The following KHDRBS2 variants were observed in gnomAD, a reference collection of about 807,000 sequenced individuals.
KHDRBS2 encodes the protein KH RNA binding domain containing, signal transduction associated 2.
Under a neutral mutation model 44.3 loss-of-function variants are expected in KHDRBS2, and 26 were observed. The observed-to-expected ratio is 0.59, with a 90% CI of 0.43 to 0.81. The LOEUF is 0.81. KHDRBS2 is among the 40% of genes least tolerant of loss of function. The pLI is 0.00. For synonymous variants in KHDRBS2, 194 were observed against 151.1 expected, an observed-to-expected ratio of 1.28 and a Z score of -2.08; for missense variants, 476 against 433.1, an observed-to-expected ratio of 1.10 and a Z score of -0.88.
At chr6:61,786,148 A>G (rs1161978835) in intron 6 of KHDRBS2, among the ~76,000 whole-genome samples, 1 of 152,036 alleles carries the variant, frequency 6.6e-6, no homozygotes. Flanking sequence ...TTTAAATTGA[A>G]CTTTTATTTA....
chr6:62,051,892 AATC>A (rs1332462796), intron 2 of KHDRBS2, among the ~76,000 whole-genome samples: 2 of 152,074 alleles, frequency 1.3e-5, no homozygotes, highest in Non-Finnish European at 2.9e-5. Context: ...CAACATCATT[AATC>A]ATCAAGAAAA....
chr6:61,728,034 G>T (rs1773854375), intron 7 of KHDRBS2, among the ~76,000 whole-genome samples: 1 of 151,376 alleles, frequency 6.6e-6, no homozygotes, highest in South Asian at 2.1e-4. Context: ...AAACCATGTT[G>T]GGTTGATTAC....
intron 6 of KHDRBS2, among the ~76,000 whole-genome samples, chr6:61,893,657 C>A (rs1468869325): frequency 6.6e-6 from 1 of 152,008 alleles, no homozygotes; most frequent in East Asian, 1.9e-4. Flanking sequence ...AGACAAAAAA[C>A]CAAACACCGC....
At chr6:62,049,941 T>C (rs549768245) in intron 2 of KHDRBS2, among the ~76,000 whole-genome samples, 5 of 152,144 alleles carry the variant, frequency 3.3e-5, no homozygotes, top group African/African-American at 1.2e-4. Flanking sequence ...CATTACTGGG[T>C]ATATACCCAA....
At chr6:62,085,400 G>C (rs1798200405) in intron 2 of KHDRBS2, among the ~76,000 whole-genome samples, 1 of 152,072 alleles carries the variant, frequency 6.6e-6, no homozygotes, top group Non-Finnish European at 1.5e-5. Flanking sequence ...GGTGAAAGCA[G>C]TGGAAAATTA....
At chr6:61,566,028 C>A in the KHDRBS2 span, among the ~76,000 whole-genome samples, 2 of 139,522 alleles carry the variant, frequency 1.4e-5, no homozygotes, top group African/African-American at 5.3e-5. Flanking sequence ...TGTGTGTGTG[C>A]ATGTGTGTGT....
intron 3 of KHDRBS2, among the ~76,000 whole-genome samples, chr6:61,983,452 G>T (rs746099638): frequency 6.6e-6 from 1 of 151,426 alleles, no homozygotes. Flanking sequence ...TAGATTACAG[G>T]GTTTCTAGCC....
At chr6:61,657,728 G>A in the KHDRBS2 span, among the ~76,000 whole-genome samples, 1 of 151,874 alleles carries the variant, frequency 6.6e-6, no homozygotes, top group Non-Finnish European at 1.5e-5. Flanking sequence ...CAGCTGCTGT[G>A]GGCATAAACT....
chr6:62,229,323 T>C (rs1443630496), intron 1 of KHDRBS2, among the ~76,000 whole-genome samples: 3 of 152,098 alleles, frequency 2.0e-5, no homozygotes, highest in Non-Finnish European at 4.4e-5. Flanking sequence ...CTGTGGGGGA[T>C]AGATATCTCT....
intron 3 of KHDRBS2, among the ~76,000 whole-genome samples, chr6:62,031,730 G>A (rs1784372477): frequency 6.6e-6 from 1 of 152,024 alleles, no homozygotes; most frequent in African/African-American, 2.4e-5. Context: ...AGAACACCAG[G>A]TAGACTTATA....
At chr6:62,103,636 C>A (rs1264672750) in intron 2 of KHDRBS2, among the ~76,000 whole-genome samples, 1 of 149,626 alleles carries the variant, frequency 6.7e-6, no homozygotes, top group Non-Finnish European at 1.5e-5. Context: ...CAGGCTTCCA[C>A]CCCAACAATG....
At chr6:61,673,804 G>C in the KHDRBS2 span, among the ~76,000 whole-genome samples, 4 of 143,182 alleles carry the variant, frequency 2.8e-5, no homozygotes, top group African/African-American at 1.0e-4. Context: ...AACATTCCAT[G>C]CTCATGGGTA....
intron 6 of KHDRBS2, among the ~76,000 whole-genome samples, chr6:61,842,466 C>A (rs1389564189): frequency 2.0e-5 from 3 of 152,124 alleles, no homozygotes; most frequent in Non-Finnish European, 4.4e-5. Flanking sequence ...ATCTTGAATG[C>A]TTCCTGGGGC....
In KHDRBS2 at chr6:61,773,292, T is replaced by C. The variant is rs1038213801; in HGVS notation, c.811-40528A>G. 5.3e-5 allele frequency among the ~76,000 whole-genome samples: 8 copies of C among 152,290 alleles called. No individual in the cohort carries two copies. The East Asian group carries it at 5.8e-4, about 11-fold the overall frequency. The stretch of plus-strand genomic sequence containing the variant: ...AGTGTTCCTATATCTCCACATCCTC[T>C]CCAGCACCTGTTGTTTCCTGACTTT... On this transcript the variant is annotated intron_variant, in intron 6 of 8. Transcript: ENST00000281156.
At chr6:61,953,630 T>TA (rs1157578206) in intron 4 of KHDRBS2, among the ~76,000 whole-genome samples, 15 of 152,198 alleles carry the variant, frequency 9.9e-5, no homozygotes, top group African/African-American at 3.4e-4. Context: ...TGTAAAAATA[T>TA]AAAAAATGAA....
At chr6:62,252,044 T>C (rs1836629667) in intron 1 of KHDRBS2, among the ~76,000 whole-genome samples, 1 of 151,880 alleles carries the variant, frequency 6.6e-6, no homozygotes, top group Admixed American at 6.6e-5. Context: ...GGCATAGCAT[T>C]TCACATAATA....
At chr6:61,569,375 C>A in the KHDRBS2 span, among the ~76,000 whole-genome samples, 1 of 152,128 alleles carries the variant, frequency 6.6e-6, no homozygotes, top group Non-Finnish European at 1.5e-5. Flanking sequence ...ACCTGAGAAG[C>A]TAAAATACTT....
chr6:62,093,622 T>C (rs1799913408), intron 2 of KHDRBS2, among the ~76,000 whole-genome samples: 1 of 151,900 alleles, frequency 6.6e-6, no homozygotes, highest in South Asian at 2.1e-4. Flanking sequence ...AGCTTGGGGC[T>C]TGTTGACCAA....
chr6:61,720,915 T>G (rs1335842663), intron 7 of KHDRBS2, among the ~76,000 whole-genome samples: 3 of 151,316 alleles, frequency 2.0e-5, no homozygotes, highest in South Asian at 4.2e-4. Context: ...GTTTTAGGTC[T>G]AAGGTTTAAG....
Sources: gnomAD v4.1 joint callset for allele counts (sites outside exome capture counted in the v4.1 genomes callset) on GRCh38, gnomAD v4.1.1 for gene constraint, MANE v1.5 for transcripts, NCBI Gene and HGNC (gene_info 2026-07-23, HGNC 2026-07-21) for gene names.